The following BLTP3B variants were observed in gnomAD, a reference collection of about 807,000 sequenced individuals.
BLTP3B encodes UHRF1 (ICBP90) binding protein 1-like.
chr12:100,047,454 G>A, the BLTP3B span: 8 of 1,064,908 alleles, frequency 7.5e-6, no homozygotes, highest in South Asian at 2.6e-5. Context: ...GGCTGAGATC[G>A]TGCCATTGCA....
chr12:100,040,860 A>G, the BLTP3B span, among the ~76,000 whole-genome samples: 6 of 152,232 alleles, frequency 3.9e-5, no homozygotes, highest in Non-Finnish European at 8.8e-5. Flanking sequence ...GCCCAGGCCC[A>G]GGTGGCTTCA....
the BLTP3B span, among the ~76,000 whole-genome samples, chr12:100,111,475 AG>A: frequency 6.6e-6 from 1 of 151,742 alleles, no homozygotes; most frequent in Non-Finnish European, 1.5e-5. Flanking sequence ...ACTTTGAGAC[AG>A]GGTCTCACCC....
the BLTP3B span, among the ~76,000 whole-genome samples, chr12:100,048,682 T>C: frequency 7.0e-6 from 1 of 142,608 alleles, no homozygotes. Flanking sequence ...AAAGACCTCA[T>C]TAAATTGTTT....
At chr12:100,057,440 T>G in the BLTP3B span, 1 of 488,304 alleles carries the variant, frequency 2.0e-6, no homozygotes, top group Non-Finnish European at 3.3e-6. Flanking sequence ...TATTCAGTTA[T>G]TTTTAGTTAT....
chr12:100,137,498 G>T, the BLTP3B span, among the ~76,000 whole-genome samples: 1 of 151,848 alleles, frequency 6.6e-6, no homozygotes, highest in Non-Finnish European at 1.5e-5. Flanking sequence ...TTGTATTTGG[G>T]GTAGAGACAG....
the BLTP3B span, among the ~76,000 whole-genome samples, chr12:100,127,885 T>C: frequency 1.3e-5 from 2 of 152,034 alleles, no homozygotes; most frequent in African/African-American, 2.4e-5. Context: ...ATGGGGTACA[T>C]GCCTGTAGTC....
At chr12:100,128,568 T>C in the BLTP3B span, 16 of 1,205,238 alleles carry the variant, frequency 1.3e-5, no homozygotes, top group Non-Finnish European at 1.7e-5. Context: ...GCATGGGGAA[T>C]AGAAGTATTA....
At chr12:100,118,066 T>C in the BLTP3B span, among the ~76,000 whole-genome samples, 2 of 152,100 alleles carry the variant, frequency 1.3e-5, no homozygotes, top group Non-Finnish European at 2.9e-5. Flanking sequence ...TTGGCATTTC[T>C]CTTGGTCCCA....
the BLTP3B span, among the ~76,000 whole-genome samples, chr12:100,063,099 G>A: frequency 5.9e-5 from 9 of 152,294 alleles, no homozygotes; most frequent in Non-Finnish European, 8.8e-5. Context: ...GCTCCGACTC[G>A]GATGGACGTA....
chr12:100,076,279 GT>G, the BLTP3B span, among the ~76,000 whole-genome samples: 5 of 145,458 alleles, frequency 3.4e-5, no homozygotes, highest in South Asian at 2.2e-4. Context: ...ACCCAGAGAT[GT>G]TTTTTTTTCC....
At chr12:100,106,662 C>G in the BLTP3B span, among the ~76,000 whole-genome samples, 1 of 152,118 alleles carries the variant, frequency 6.6e-6, no homozygotes, top group Admixed American at 6.5e-5. Flanking sequence ...ATATACACTA[C>G]TCAGCTGACA....
At chr12:100,059,766 A>G in the BLTP3B span, 7 of 1,352,410 alleles carry the variant, frequency 5.2e-6, no homozygotes, top group Non-Finnish European at 7.1e-6. Context: ...ATGAATTAAT[A>G]ATCAATGTAA....
At chr12:100,055,720 G>C in the BLTP3B span, among the ~76,000 whole-genome samples, 1 of 149,704 alleles carries the variant, frequency 6.7e-6, no homozygotes, top group South Asian at 2.1e-4. Context: ...GACAATCCCA[G>C]TTCTGCGTAC....
At chr12:100,084,700 C>T in the BLTP3B span, 1 of 1,565,606 alleles carries the variant, frequency 6.4e-7, no homozygotes, top group Admixed American at 1.8e-5. Context: ...AAATGTACAA[C>T]TTTCATTTAT....
At chr12:100,040,865 G>A in the BLTP3B span, among the ~76,000 whole-genome samples, 3 of 152,162 alleles carry the variant, frequency 2.0e-5, no homozygotes, top group African/African-American at 7.2e-5. Flanking sequence ...GGCCCAGGTG[G>A]CTTCACTGGA....
At chr12:100,094,925 G>T in the BLTP3B span, among the ~76,000 whole-genome samples, 1 of 152,142 alleles carries the variant, frequency 6.6e-6, no homozygotes, top group African/African-American at 2.4e-5. Flanking sequence ...ATATATCTGA[G>T]ATGTATAACA....
chr12:100,056,241 C>T, the BLTP3B span, among the ~76,000 whole-genome samples: 1 of 152,146 alleles, frequency 6.6e-6, no homozygotes, highest in African/African-American at 2.4e-5. Flanking sequence ...GGTAGCTTCT[C>T]TTGACCTCCA....
At chr12:100,058,966 C>T in the BLTP3B span, 10 of 1,614,008 alleles carry the variant, frequency 6.2e-6, no homozygotes, top group Non-Finnish European at 8.5e-6. Flanking sequence ...CTATAATACT[C>T]CTTCAAGAGC....
chr12:100,102,827 T>C, the BLTP3B span: 2 of 1,607,002 alleles, frequency 1.2e-6, no homozygotes, highest in Non-Finnish European at 1.7e-6. Flanking sequence ...TCTTCACATG[T>C]ACTCATTTCC....
Sources: allele counts gnomAD v4.1 joint callset (sites outside exome capture counted in the v4.1 genomes callset), GRCh38; gene constraint gnomAD v4.1.1; transcripts MANE v1.5; gene names NCBI Gene and HGNC (gene_info 2026-07-23, HGNC 2026-07-21).